KIF26B: variants seen among roughly 807,000 people sequenced by gnomAD.
The protein encoded by KIF26B is kinesin-like protein KIF26B.
KIF26B carries 63 observed loss-of-function variants against 151.2 expected under a neutral mutation model. The observed-to-expected ratio is 0.42, with a 90% CI of 0.34 to 0.51. The LOEUF (loss-of-function observed/expected upper bound fraction) is 0.51. KIF26B is among the 20% of genes least tolerant of loss of function. KIF26B has a pLI of 0.07. For missense variants in KIF26B, 2,813 were observed against 2,913.6 expected, an observed-to-expected ratio of 0.97 and a Z score of 0.79; for synonymous variants, 1,357 against 1,262.1, an observed-to-expected ratio of 1.08 and a Z score of -1.59.
chr1:245,230,932 G>A (rs769228773), intron 2 of KIF26B, among the ~76,000 whole-genome samples: 10 of 151,716 alleles, frequency 6.6e-5, no homozygotes, highest in Non-Finnish European at 1.2e-4. Context: ...ACAAAATGCT[G>A]GAAAATGTAA....
chr1:245,561,744 G>A (rs2042953891), intron 5 of KIF26B, among the ~76,000 whole-genome samples: 1 of 152,190 alleles, frequency 6.6e-6, no homozygotes, highest in African/African-American at 2.4e-5. Context: ...TCATGTGCAT[G>A]CTGCATCTCT....
chr1:245,452,157 C>T (rs779258024), intron 4 of KIF26B, among the ~76,000 whole-genome samples: 2 of 152,158 alleles, frequency 1.3e-5, no homozygotes, highest in Admixed American at 6.6e-5. Flanking sequence ...GTGGATTTGC[C>T]TACTCATAAA....
chr1:245,366,830 G>A lies in KIF26B; in HGVS notation c.466-4G>A. ...TCCTCTCCCTCTGCTTCTGTGTTCTGTAGGACCCTGCTTTCTCGGCTGTGA... is the reference window on the plus strand; with the variant it reads ...TCCTCTCCCTCTGCTTCTGTGTTCTATAGGACCCTGCTTTCTCGGCTGTGA... On this transcript the variant is annotated splice_region_variant and splice_polypyrimidine_tract_variant and intron_variant, in intron 2 of 14. Coordinates refer to ENST00000407071, the MANE Select transcript of KIF26B (RefSeq NM_018012.4). 10 of 1,613,642 alleles carry A rather than the reference G, an allele frequency of 6.2e-6. No individual in the cohort carries two copies. The highest frequency in any genetic ancestry group is 7.6e-6 in the Non-Finnish European group (9 of 1,179,678).
rs559941341 is a variant in KIF26B, at chr1:245,620,406, A to T, written c.2098+8430A>T. On this transcript the variant is annotated intron_variant, in intron 9 of 14. Coordinates refer to ENST00000407071, the MANE Select transcript of KIF26B (RefSeq NM_018012.4). ...ACAAAATTCAACATCGTTAAAAAAA[A>T]TTTTTTTTTTTGAGACAGGGTCTCA... Among the ~76,000 whole-genome samples, 251 of 150,648 alleles carry T rather than the reference A, an allele frequency of 1.7e-3. No homozygotes were observed. The Middle Eastern group carries it at 0.027, about 16-fold the overall frequency.
At chr1:245,611,278 T>C (rs994090472) in intron 8 of KIF26B, among the ~76,000 whole-genome samples, 3 of 152,224 alleles carry the variant, frequency 2.0e-5, no homozygotes, top group African/African-American at 7.2e-5. Context: ...TTTAATTAAA[T>C]AACTGCAAAA....
At chr1:245,655,105 G>A (rs1186394027) in intron 10 of KIF26B, among the ~76,000 whole-genome samples, 3 of 152,238 alleles carry the variant, frequency 2.0e-5, no homozygotes, top group African/African-American at 4.8e-5. Context: ...AACCTGCGCC[G>A]TTGAGCTAGT....
At chr1:245,327,188 C>G (rs1177646157) in intron 2 of KIF26B, among the ~76,000 whole-genome samples, 1 of 152,150 alleles carries the variant, frequency 6.6e-6, no homozygotes, top group Non-Finnish European at 1.5e-5. Context: ...GGTGAGGAGC[C>G]CTGAATCTCG....
intron 10 of KIF26B, among the ~76,000 whole-genome samples, chr1:245,678,678 A>C (rs1253923278): frequency 6.6e-6 from 1 of 152,010 alleles, no homozygotes; most frequent in Non-Finnish European, 1.5e-5. Flanking sequence ...CGTGGCCAAC[A>C]TGGTGAAATC....
intron 2 of KIF26B, among the ~76,000 whole-genome samples, chr1:245,351,998 C>T (rs903140977): frequency 6.6e-6 from 1 of 152,166 alleles, no homozygotes; most frequent in Non-Finnish European, 1.5e-5. Context: ...TACCTGTCTG[C>T]ATTTATATTG....
At chr1:245,683,293 G>A (rs751048928) in intron 10 of KIF26B, among the ~76,000 whole-genome samples, 1 of 150,344 alleles carries the variant, frequency 6.7e-6, no homozygotes. Context: ...ATATGAGCAC[G>A]CGGCATGGGA....
chr1:245,506,792 T>G (rs1164957558), intron 4 of KIF26B, among the ~76,000 whole-genome samples: 1 of 152,234 alleles, frequency 6.6e-6, no homozygotes, highest in African/African-American at 2.4e-5. Context: ...GCAATTCTCC[T>G]GCCTCAGCCT....
chr1:245,428,989 T>TGGGGGGGGGGGGGG (rs1558162150), intron 4 of KIF26B, among the ~76,000 whole-genome samples: 2 of 81,830 alleles, frequency 2.4e-5, no homozygotes, highest in East Asian at 5.6e-4. Context: ...GGGGCGGGGG[T>TGGGGGGGGGGGGGG]GGGGGGCAGT....
intron 4 of KIF26B, among the ~76,000 whole-genome samples, chr1:245,502,306 A>C (rs1660637072): frequency 6.6e-6 from 1 of 152,164 alleles, no homozygotes; most frequent in Non-Finnish European, 1.5e-5. Flanking sequence ...AGGTGGGCAG[A>C]TCATGAGGTC....
At chr1:245,380,904 T>G (rs1214287975) in intron 3 of KIF26B, among the ~76,000 whole-genome samples, 1 of 91,392 alleles carries the variant, frequency 1.1e-5, no homozygotes. Flanking sequence ...CCCTGGGAGG[T>G]GGGGAGGTTG....
At chr1:245,591,644 C>G (rs1405415272) in intron 5 of KIF26B, among the ~76,000 whole-genome samples, 2 of 152,336 alleles carry the variant, frequency 1.3e-5, no homozygotes, top group East Asian at 3.9e-4. Context: ...TCAGGCATGC[C>G]TCAGAATCCC....
chr1:245,155,366 G>A lies in KIF26B; in HGVS notation c.-59G>A. On this transcript the variant is annotated 5_prime_UTR_variant, in exon 1 of 15. Coordinates refer to ENST00000407071, the MANE Select transcript of KIF26B (RefSeq NM_018012.4). ...AGCCGGGGGACGCTTCTGGGTTGGA[G>A]GACCTTCTGGATGTAGCGTCGGTGG... The A allele has an allele frequency of 7.0e-7, 1 of 1,423,976 alleles. No homozygotes were observed. Among genetic ancestry groups the A allele is most frequent in the Non-Finnish European group, 9.8e-7 (1 of 1,024,918 alleles). 88.2% of individuals were successfully genotyped at this position (1,423,976 alleles called of 1,614,324 possible).
intron 9 of KIF26B, among the ~76,000 whole-genome samples, chr1:245,638,208 A>G (rs2043854719): frequency 6.6e-6 from 1 of 151,490 alleles, no homozygotes; most frequent in Non-Finnish European, 1.5e-5. Context: ...GAGATCTTTC[A>G]CTTCTTTGGT....
At chr1:245,339,349 G>C (rs149440183) in intron 2 of KIF26B, among the ~76,000 whole-genome samples, 155 of 152,244 alleles carry the variant, frequency 1.0e-3, no homozygotes, top group African/African-American at 3.4e-3. Flanking sequence ...CGGCCATGTT[G>C]GTTTATTATT....
At chr1:245,380,012 A>G (rs1673370709) in intron 3 of KIF26B, among the ~76,000 whole-genome samples, 1 of 151,866 alleles carries the variant, frequency 6.6e-6, no homozygotes, top group Non-Finnish European at 1.5e-5. Flanking sequence ...CACCCCAGAC[A>G]TACACCTAAT....
Sources: gnomAD v4.1 joint callset for allele counts (sites outside exome capture counted in the v4.1 genomes callset) on GRCh38, gnomAD v4.1.1 for gene constraint, MANE v1.5 for transcripts, NCBI Gene and HGNC (gene_info 2026-07-23, HGNC 2026-07-21) for gene names.